The following PALMD variants were observed in gnomAD, a reference collection of about 807,000 sequenced individuals.
The protein encoded by PALMD is paralemmin-like protein.
In PALMD, 42 loss-of-function variants were observed where a neutral mutation model predicts 56.2. That is an observed-to-expected ratio of 0.75 (90% CI 0.58 to 0.97). The LOEUF (loss-of-function observed/expected upper bound fraction) is 0.97, where lower values mean the gene tolerates loss of function less well. Among genes scored for constraint, PALMD ranks in the 50% least tolerant of loss-of-function variants. The pLI, the probability that PALMD is intolerant of heterozygous loss-of-function variation, is 0.00. For missense variants in PALMD, 660 were observed against 643.8 expected, an observed-to-expected ratio of 1.03 and a Z score of -0.27; for synonymous variants, 242 against 222.9, an observed-to-expected ratio of 1.09 and a Z score of -0.76.
At chr1:99,669,793 C>G (rs910917198) in intron 3 of PALMD, 8 of 152,204 alleles carry the variant, frequency 5.3e-5, no homozygotes, top group South Asian at 4.1e-4. Flanking sequence ...CTAGTTAGAG[C>G]TCCTTCCTAA....
intron 1 of PALMD, among the ~76,000 whole-genome samples, chr1:99,657,967 T>G (rs759564824): frequency 3.1e-4 from 47 of 152,320 alleles, no homozygotes; most frequent in Non-Finnish European, 6.0e-4. Flanking sequence ...CATCATACAT[T>G]ACTAATGCCT....
chr1:99,654,683 T>C (rs1317035582), intron 1 of PALMD, among the ~76,000 whole-genome samples: 1 of 152,180 alleles, frequency 6.6e-6, no homozygotes, highest in Non-Finnish European at 1.5e-5. Context: ...TATAATAAAT[T>C]ATGCAGATAT....
intron 1 of PALMD, among the ~76,000 whole-genome samples, chr1:99,656,104 G>A (rs1421916511): frequency 1.3e-5 from 2 of 152,116 alleles, no homozygotes; most frequent in Non-Finnish European, 2.9e-5. Context: ...GAAACTCTCA[G>A]TGATAGCAAA....
Position 99,689,331 on chromosome 1 carries a change from G to A in PALMD, c.1071G>A (p.Met357Ile). 1.2e-6 allele frequency: 2 copies of A among 1,613,652 alleles called. No individual in the cohort carries two copies. The highest frequency in any genetic ancestry group is 1.7e-6 in the Non-Finnish European group (2 of 1,179,836). Residue 357 changes from methionine to isoleucine, a missense_variant, in exon 7 of 8, where the codon ATG becomes ATA. Coordinates refer to ENST00000263174, the MANE Select transcript of PALMD (RefSeq NM_017734.5). ...CTCCTTGGGAAGAATCGAATGTCAT[G>A]CAGGACAAAGATGCACCCTCTCCAA... The part of the protein sequence containing the change: ...LMTPWEESNV[M>I]QDKDAPSPKP...
At chr1:99,661,373 T>C (rs1652843473) in intron 1 of PALMD, among the ~76,000 whole-genome samples, 1 of 152,190 alleles carries the variant, frequency 6.6e-6, no homozygotes, top group Admixed American at 6.5e-5. Context: ...ATTTAATGTG[T>C]TGCTTTCTAT....
intron 1 of PALMD, among the ~76,000 whole-genome samples, chr1:99,661,299 T>C (rs1294734074): frequency 6.6e-6 from 1 of 152,210 alleles, no homozygotes; most frequent in African/African-American, 2.4e-5. Context: ...GCATAACTAG[T>C]CAAATGTCTC....
chr1:99,674,813 G>A (rs1171160376), intron 3 of PALMD, among the ~76,000 whole-genome samples: 1 of 152,198 alleles, frequency 6.6e-6, no homozygotes, highest in Non-Finnish European at 1.5e-5. Flanking sequence ...AGTGGGAGGT[G>A]AATTAGTTTC....
At chr1:99,693,709 G>A (rs1030265288) in intron 7 of PALMD, among the ~76,000 whole-genome samples, 2 of 152,128 alleles carry the variant, frequency 1.3e-5, no homozygotes, top group Non-Finnish European at 2.9e-5. Context: ...CAACCTATAG[G>A]AATCTGTATG....
intron 7 of PALMD, among the ~76,000 whole-genome samples, chr1:99,692,791 C>A (rs1448062347): frequency 1.3e-5 from 2 of 152,204 alleles, no homozygotes; most frequent in African/African-American, 4.8e-5. Context: ...TTGCCTTCTG[C>A]CTTCTGCCTT....
At position 99,662,337 on chromosome 1, in the gene PALMD, G is replaced by A. The variant is rs147023510; in HGVS notation, c.64G>A (p.Glu22Lys). ...ATTTCAGGATAAAAGAAAAATACAG[G>A]AAGAAATCTCACAGAAGCGTCTGAA... is the stretch of plus-strand genomic sequence containing the variant. ...QAITDKRKIQ[E>K]EISQKRLKIE... Residue 22 changes from glutamate to lysine, a missense_variant, in exon 2 of 8, where the codon GAA (glutamate) becomes AAA (lysine). Coordinates refer to ENST00000263174, the MANE Select transcript of PALMD (RefSeq NM_017734.5). 83 of 1,561,330 alleles carry A rather than the reference G, an allele frequency of 5.3e-5. No homozygotes were observed. Among genetic ancestry groups the A allele is most frequent in the Middle Eastern group, 1.7e-4 (1 of 5,846 alleles).
At chr1:99,665,316 A>G (rs1240042375) in intron 2 of PALMD, among the ~76,000 whole-genome samples, 1 of 152,142 alleles carries the variant, frequency 6.6e-6, no homozygotes, top group Non-Finnish European at 1.5e-5. Context: ...TGTAAAGTAG[A>G]TTTTATTATA....
chr1:99,662,692 C>T (rs1652872177), intron 2 of PALMD, among the ~76,000 whole-genome samples: 1 of 152,196 alleles, frequency 6.6e-6, no homozygotes, highest in South Asian at 2.1e-4. Context: ...GAATTTGGCC[C>T]TGCTCGCAGT....
intron 2 of PALMD, among the ~76,000 whole-genome samples, chr1:99,664,203 C>T (rs1010244024): frequency 6.6e-6 from 1 of 152,140 alleles, no homozygotes; most frequent in Non-Finnish European, 1.5e-5. Flanking sequence ...GGAAATGACA[C>T]ATTGTCCTAA....
chr1:99,681,050 A>G (rs1430358670), intron 3 of PALMD, among the ~76,000 whole-genome samples: 7 of 150,776 alleles, frequency 4.6e-5, no homozygotes, highest in Admixed American at 4.6e-4. Flanking sequence ...CTTGAAAATA[A>G]CCCTCTTTTT....
intron 1 of PALMD, among the ~76,000 whole-genome samples, chr1:99,649,484 G>A (rs1652517932): frequency 6.6e-6 from 1 of 151,932 alleles, no homozygotes. Flanking sequence ...AGAGTGAGAT[G>A]AAGAAGCGTG....
rs1484772297 is a variant in PALMD at position 99,668,579 on chromosome 1, AC to A, written c.251+815del. ...CTCTCAGGCACCCTCCCCAGTCACA[AC>A]CATGATATTGGAAAGAAGGTTCTAT... On this transcript the variant is annotated intron_variant, in intron 3 of 7. Coordinates refer to ENST00000263174, the MANE Select transcript of PALMD (RefSeq NM_017734.5). 6 of 152,246 alleles carry A rather than the reference AC, an allele frequency of 3.9e-5. No homozygotes were observed. In the East Asian group the frequency reaches 1.2e-3, roughly 29 times the overall value. 9.4% of individuals were successfully genotyped at this position (152,246 alleles called of 1,614,324 possible).
chr1:99,655,738 T>C (rs1652708686), intron 1 of PALMD, among the ~76,000 whole-genome samples: 1 of 152,250 alleles, frequency 6.6e-6, no homozygotes, highest in Non-Finnish European at 1.5e-5. Context: ...CAATGCTGTA[T>C]TTCCTCTTCA....
intron 3 of PALMD, among the ~76,000 whole-genome samples, chr1:99,681,868 G>A (rs546631573): frequency 1.3e-5 from 2 of 152,280 alleles, no homozygotes; most frequent in South Asian, 2.1e-4. Context: ...CACTGTACTA[G>A]ATACACAAAA....
At chr1:99,649,729 A>T (rs1203369903) in intron 1 of PALMD, among the ~76,000 whole-genome samples, 1 of 152,226 alleles carries the variant, frequency 6.6e-6, no homozygotes, top group Non-Finnish European at 1.5e-5. Flanking sequence ...ACAAATATGG[A>T]TATGCTCAAA....
Sources: gnomAD v4.1 joint callset for allele counts (sites outside exome capture counted in the v4.1 genomes callset) on GRCh38, gnomAD v4.1.1 for gene constraint, MANE v1.5 for transcripts, NCBI Gene and HGNC (gene_info 2026-07-23, HGNC 2026-07-21) for gene names.